The following STK32B variants were observed in gnomAD, a reference collection of about 807,000 sequenced individuals.
STK32B encodes the protein serine/threonine-protein kinase 32B.
A neutral mutation model predicts 52.6 loss-of-function variants in STK32B; 43 were observed. That is an observed-to-expected ratio of 0.82 (90% CI 0.64 to 1.05). The LOEUF is 1.05. Among genes scored for constraint, STK32B ranks in the 50% least tolerant of loss-of-function variants. The pLI, the probability that STK32B is intolerant of heterozygous loss-of-function variation, is 0.00. For missense variants in STK32B, 621 were observed against 534.6 expected (o/e 1.16, Z -1.59); for synonymous variants, 238 against 204.3 (o/e 1.17, Z -1.41).
At chr4:5,063,462 C>A (rs542105194) in intron 1 of STK32B, among the ~76,000 whole-genome samples, 30 of 152,200 alleles carry the variant, frequency 2.0e-4, no homozygotes, top group African/African-American at 7.0e-4. Context: ...TCTGCCTCAT[C>A]CTCCCGAGTA....
At chr4:5,193,089 C>T (rs1721356106) in intron 3 of STK32B, among the ~76,000 whole-genome samples, 1 of 152,178 alleles carries the variant, frequency 6.6e-6, no homozygotes, top group African/African-American at 2.4e-5. Flanking sequence ...TTTATAAGGC[C>T]TGGCTGCCCA....
At chr4:5,102,796 G>C (rs913084940) in intron 1 of STK32B, among the ~76,000 whole-genome samples, 2 of 149,088 alleles carry the variant, frequency 1.3e-5, no homozygotes, top group African/African-American at 2.5e-5. Context: ...GCCCACCTCA[G>C]CCTCCCAAAG....
chr4:5,306,836 A>G (rs189402290), intron 3 of STK32B, among the ~76,000 whole-genome samples: 3 of 150,236 alleles, frequency 2.0e-5, no homozygotes, highest in Admixed American at 1.3e-4. Context: ...CTGGCTTGGT[A>G]GTGGCAAATT....
the STK32B span, among the ~76,000 whole-genome samples, chr4:5,041,888 A>G: frequency 6.6e-6 from 1 of 152,138 alleles, no homozygotes; most frequent in East Asian, 1.9e-4. Flanking sequence ...TACTCTAAGC[A>G]AACCAGACTC....
chr4:5,033,522 G>A, the STK32B span, among the ~76,000 whole-genome samples: 26 of 152,252 alleles, frequency 1.7e-4, no homozygotes, highest in Admixed American at 3.3e-4. Context: ...GCCTCTTCTC[G>A]TTGCTGGCAC....
At chr4:5,434,704 C>G (rs908693329) in intron 6 of STK32B, among the ~76,000 whole-genome samples, 2 of 152,128 alleles carry the variant, frequency 1.3e-5, no homozygotes, top group African/African-American at 4.8e-5. Flanking sequence ...TGAGATAACA[C>G]ATAGACACTC....
In STK32B at chr4:5,061,483, T is replaced by C. The variant is rs546568916; in HGVS notation, c.52+9568T>C. 3.3e-5 allele frequency among the ~76,000 whole-genome samples: 5 copies of C among 152,332 alleles called. No individual in the cohort carries two copies. The South Asian group carries it at 8.3e-4, about 25-fold the overall frequency. ...CTATTTCCATTGTCTATTGTTTCATTATAAGCATGTTTTGTTCTCTAATTT... is the reference window on the plus strand; with the variant it reads ...CTATTTCCATTGTCTATTGTTTCATCATAAGCATGTTTTGTTCTCTAATTT... On this transcript the variant is annotated intron_variant, in intron 1 of 11. Transcript: ENST00000282908.
At chr4:5,224,604 G>A (rs1723747967) in intron 3 of STK32B, among the ~76,000 whole-genome samples, 1 of 152,098 alleles carries the variant, frequency 6.6e-6, no homozygotes, top group Non-Finnish European at 1.5e-5. Flanking sequence ...ACTCCCTGGT[G>A]GTTTTCCCAG....
At chr4:5,446,541 A>C (rs1367641355) in intron 6 of STK32B, 132 bp from the exon 7 acceptor site, 3 of 729,152 alleles carry the variant, frequency 4.1e-6, no homozygotes, top group Non-Finnish European at 6.7e-6. Flanking sequence ...TGGGCAGCAG[A>C]GCAAAACTCT....
intron 3 of STK32B, chr4:5,204,250 CT>C (rs1722383688): frequency 6.6e-6 from 1 of 152,184 alleles, no homozygotes; most frequent in Non-Finnish European, 1.5e-5. Flanking sequence ...AACTAGAGAT[CT>C]CCATGATTCA....
intron 3 of STK32B, among the ~76,000 whole-genome samples, chr4:5,213,249 C>G (rs1407554239): frequency 6.6e-6 from 1 of 152,152 alleles, no homozygotes; most frequent in African/African-American, 2.4e-5. Context: ...ACTCCTGCCA[C>G]CAAGCTGCCA....
At chr4:5,417,062 T>C (rs1712226755) in intron 6 of STK32B, 128 bp downstream of exon 6, 1 of 790,324 alleles carries the variant, frequency 1.3e-6, no homozygotes, top group African/African-American at 1.7e-5. Flanking sequence ...GGTTCCACAG[T>C]TCCCAGTAGA....
intron 3 of STK32B, among the ~76,000 whole-genome samples, chr4:5,207,446 C>T (rs749679411): frequency 1.3e-5 from 2 of 152,036 alleles, no homozygotes; most frequent in Non-Finnish European, 1.5e-5. Flanking sequence ...CCATGTAAGA[C>T]GTGACTTTGC....
intron 1 of STK32B, among the ~76,000 whole-genome samples, chr4:5,060,555 T>G (rs1392150594): frequency 1.3e-5 from 2 of 151,984 alleles, no homozygotes; most frequent in African/African-American, 4.8e-5. Context: ...ACTGTTCTTT[T>G]TCTAGGTTTT....
chr4:5,317,218 T>TA (rs1258274129), intron 3 of STK32B, among the ~76,000 whole-genome samples: 6 of 44,348 alleles, frequency 1.4e-4, no homozygotes, highest in South Asian at 8.8e-4. Flanking sequence ...ATATAACATA[T>TA]ATATATTATA....
intron 1 of STK32B, among the ~76,000 whole-genome samples, chr4:5,125,817 A>G (rs985537948): frequency 6.6e-6 from 1 of 152,128 alleles, no homozygotes; most frequent in Admixed American, 6.5e-5. Flanking sequence ...ACTTCACTGC[A>G]TTTGTAACTC....
chr4:5,460,043 G>A lies in STK32B; in HGVS notation c.784-60G>A. 1 of 1,613,614 alleles carries A rather than the reference G, an allele frequency of 6.2e-7. No individual in the cohort carries two copies. Among genetic ancestry groups the A allele is most frequent in the Non-Finnish European group, 8.5e-7 (1 of 1,179,724 alleles). ...TTGCCCTGAGACCCCCTCCTTCAGAGTCCCCGCTAACCTTGAGGGATGCCC... is the reference window on the plus strand; with the variant it reads ...TTGCCCTGAGACCCCCTCCTTCAGAATCCCCGCTAACCTTGAGGGATGCCC... On this transcript the variant is annotated intron_variant, in intron 8 of 11. Coordinates refer to ENST00000282908, the MANE Select transcript of STK32B (RefSeq NM_018401.3). The surrounding 1 kb of genome is among the most constrained non-coding windows in gnomAD (Gnocchi z 4.8).
At chr4:5,245,142 T>A (rs913602952) in intron 3 of STK32B, among the ~76,000 whole-genome samples, 1 of 152,158 alleles carries the variant, frequency 6.6e-6, no homozygotes, top group Non-Finnish European at 1.5e-5. Flanking sequence ...ACTTTACTTT[T>A]CTGTCTCGTT....
intron 3 of STK32B, among the ~76,000 whole-genome samples, chr4:5,182,465 T>G (rs1328944969): frequency 6.6e-6 from 1 of 151,628 alleles, no homozygotes; most frequent in Non-Finnish European, 1.5e-5. Context: ...TTTTTTTCCT[T>G]TTTTTTTGTT....
Sources: allele counts gnomAD v4.1 joint callset (sites outside exome capture counted in the v4.1 genomes callset), GRCh38; gene constraint gnomAD v4.1.1; non-coding constraint Gnocchi (gnomAD v3.1); transcripts MANE v1.5; gene names NCBI Gene and HGNC (gene_info 2026-07-23, HGNC 2026-07-21).